The following CPNE4 variants were observed in gnomAD, a reference collection of about 807,000 sequenced individuals.
CPNE4 encodes the protein copine 4, also known as copine-4.
In CPNE4, 25 loss-of-function variants were observed where a neutral mutation model predicts 67.9. That is an observed-to-expected ratio of 0.37 (90% CI 0.27 to 0.51). The LOEUF (loss-of-function observed/expected upper bound fraction) is 0.51. CPNE4 is among the 20% of genes least tolerant of loss of function. The pLI, the probability that CPNE4 is intolerant of heterozygous loss-of-function variation, is 0.93. For synonymous variants in CPNE4, 242 were observed against 244.9 expected (o/e 0.99, Z 0.11); for missense variants, 464 against 690.8 (o/e 0.67, Z 3.68).
intron 1 of CPNE4, among the ~76,000 whole-genome samples, chr3:131,999,241 T>TAAA (rs79127364): frequency 0.049 from 4,824 of 98,540 alleles, 360 homozygotes; most frequent in Middle Eastern, 0.066. Flanking sequence ...TTATCCAAGG[T>TAAA]AAAAAAAAAA....
chr3:131,647,072 T>C (rs563353442), intron 7 of CPNE4, among the ~76,000 whole-genome samples: 1 of 152,302 alleles, frequency 6.6e-6, no homozygotes, highest in Non-Finnish European at 1.5e-5. Context: ...GAGGTAACTC[T>C]GAGGGGTAAA....
In CPNE4 at chr3:131,576,326, C is replaced by T. The variant is rs144709946; in HGVS notation, c.868-1196G>A. On this transcript the variant is annotated intron_variant, in intron 9 of 15. Coordinates refer to ENST00000429747, the MANE Select transcript of CPNE4 (RefSeq NM_130808.3). ...TTGGGACACTGTGCTACTGTGTCTG[C>T]ATATCAAAGAAATAAGAACTTGAAA... 1.6e-3 allele frequency among the ~76,000 whole-genome samples: 238 copies of T among 152,018 alleles called. 2 individuals are homozygous for T. The highest frequency in any genetic ancestry group is 4.7e-3 in the African/African-American group (193 of 41,480).
intron 2 of CPNE4, among the ~76,000 whole-genome samples, chr3:131,883,507 T>C (rs2087759550): frequency 6.6e-6 from 1 of 152,210 alleles, no homozygotes; most frequent in Non-Finnish European, 1.5e-5. Context: ...TGCACTTTTG[T>C]CTCTCCACAC....
intron 10 of CPNE4, among the ~76,000 whole-genome samples, chr3:131,569,001 A>C (rs1002904265): frequency 1.3e-5 from 2 of 152,022 alleles, no homozygotes; most frequent in African/African-American, 4.8e-5. Flanking sequence ...GTAGGTGAAC[A>C]TACTGTTTGG....
intron 2 of CPNE4, among the ~76,000 whole-genome samples, chr3:131,889,374 G>A (rs1702175545): frequency 6.6e-6 from 1 of 152,188 alleles, no homozygotes; most frequent in South Asian, 2.1e-4. Flanking sequence ...GAGATGTTAA[G>A]TGGCTTTCCC....
chr3:131,793,073 G>C (rs919240493), intron 2 of CPNE4, among the ~76,000 whole-genome samples: 1 of 151,880 alleles, frequency 6.6e-6, no homozygotes, highest in Non-Finnish European at 1.5e-5. Flanking sequence ...TTGGTCATTC[G>C]TCTTTTCCCA....
chr3:131,995,487 G>A (rs1346517264), intron 1 of CPNE4, among the ~76,000 whole-genome samples: 1 of 152,098 alleles, frequency 6.6e-6, no homozygotes, highest in African/African-American at 2.4e-5. Context: ...ATCCGACCAT[G>A]AGAGCAGATC....
At chr3:131,955,808 C>T (rs1242222509) in intron 1 of CPNE4, among the ~76,000 whole-genome samples, 7 of 152,144 alleles carry the variant, frequency 4.6e-5, no homozygotes, top group Non-Finnish European at 1.0e-4. Flanking sequence ...GCAACACAAT[C>T]GCTGTACATC....
intron 2 of CPNE4, among the ~76,000 whole-genome samples, chr3:131,800,208 C>T (rs1048014855): frequency 6.6e-6 from 1 of 151,920 alleles, no homozygotes; most frequent in African/African-American, 2.4e-5. Flanking sequence ...CAATGTGTAC[C>T]TCCCACTTAT....
At chr3:131,911,575 G>A (rs1347655404) in intron 1 of CPNE4, among the ~76,000 whole-genome samples, 1 of 130,256 alleles carries the variant, frequency 7.7e-6, no homozygotes, top group Admixed American at 8.0e-5. Context: ...GTGTGTGTGT[G>A]TGTGTGTGTG....
chr3:131,953,383 A>T (rs67354769), intron 1 of CPNE4, among the ~76,000 whole-genome samples: 2 of 151,904 alleles, frequency 1.3e-5, no homozygotes, highest in Non-Finnish European at 2.9e-5. Context: ...ATTATGCGGA[A>T]GTATATTTCT....
intron 7 of CPNE4, among the ~76,000 whole-genome samples, chr3:131,628,725 T>C (rs2079142326): frequency 6.6e-6 from 1 of 151,882 alleles, no homozygotes. Flanking sequence ...TTTGTATTTC[T>C]GTGGGATCAG....
At chr3:131,869,799 T>C (rs2087117666) in intron 2 of CPNE4, among the ~76,000 whole-genome samples, 1 of 152,222 alleles carries the variant, frequency 6.6e-6, no homozygotes, top group South Asian at 2.1e-4. Context: ...CATTCATACA[T>C]ATTTTCATTT....
intron 2 of CPNE4, among the ~76,000 whole-genome samples, chr3:131,867,986 A>G (rs1404102727): frequency 1.3e-5 from 2 of 152,198 alleles, no homozygotes; most frequent in Non-Finnish European, 1.5e-5. Context: ...AGTTCCTTCA[A>G]TCTTTAATTT....
intron 14 of CPNE4, among the ~76,000 whole-genome samples, chr3:131,547,337 C>T (rs1288623796): frequency 6.6e-6 from 1 of 151,810 alleles, no homozygotes; most frequent in Non-Finnish European, 1.5e-5. Context: ...TGCCTTTGGT[C>T]CCAGCTATTT....
At position 132,034,227 on chromosome 3, in the gene CPNE4, C is replaced by G. The variant is rs569581426; in HGVS notation, c.-2+340G>C. 1.5e-3 allele frequency among the ~76,000 whole-genome samples: 234 copies of G among 152,086 alleles called. 1 individual carries two copies. Among genetic ancestry groups the G allele is most frequent in the African/African-American group, 5.1e-3 (213 of 41,486 alleles). On this transcript the variant is annotated intron_variant, in intron 1 of 15. Coordinates refer to ENST00000429747, the MANE Select transcript of CPNE4 (RefSeq NM_130808.3). ...CCTCCCCTTCCCCGATTTTGAAAAC[C>G]GTACCCCTTCTTCCGCCTTCGGGAC...
Position 131,784,087 on chromosome 3 carries a change from A to C in CPNE4, c.181-60462T>G, listed in dbSNP as rs1162628136. ...CACTTGTGCTGACATTTTACGACAAATAGTGTATATTTAATAAACAATGTC... is the reference window on the plus strand; with the variant it reads ...CACTTGTGCTGACATTTTACGACAACTAGTGTATATTTAATAAACAATGTC... On this transcript the variant is annotated intron_variant, in intron 2 of 15. Transcript: ENST00000429747. Among the ~76,000 whole-genome samples the C allele has an allele frequency of 4.6e-5, 7 of 152,196 alleles. No individual in the cohort carries two copies. In the East Asian group the frequency reaches 1.2e-3, roughly 25 times the overall value.
intron 2 of CPNE4, among the ~76,000 whole-genome samples, chr3:131,809,780 A>C (rs1245801107): frequency 1.3e-5 from 2 of 152,134 alleles, no homozygotes; most frequent in African/African-American, 4.8e-5. Flanking sequence ...ACAAAAAGGT[A>C]ATAAATATTT....
At chr3:131,542,437 C>T in intron 15 of CPNE4, 120 bp downstream of exon 15, 1 of 761,760 alleles carries the variant, frequency 1.3e-6, no homozygotes, top group East Asian at 2.4e-5. Flanking sequence ...GTATGTAGAG[C>T]ATAGCTGGTG....
Sources: allele counts gnomAD v4.1 joint callset (sites outside exome capture counted in the v4.1 genomes callset), GRCh38; gene constraint gnomAD v4.1.1; transcripts MANE v1.5; gene names NCBI Gene and HGNC (gene_info 2026-07-23, HGNC 2026-07-21).